The following PCDHA5 variants were observed in gnomAD, a reference collection of about 807,000 sequenced individuals.
PCDHA5 encodes protocadherin alpha 5, also known as protocadherin alpha-5.
A neutral mutation model predicts 61.6 loss-of-function variants in PCDHA5; 43 were observed. The ratio of observed to expected loss-of-function variants is 0.70; its 90% CI spans 0.55 to 0.90. The LOEUF (loss-of-function observed/expected upper bound fraction) is 0.90. PCDHA5 is among the 40% of genes least tolerant of loss of function. PCDHA5 has a pLI of 0.00. For synonymous variants in PCDHA5, 627 were observed against 543.9 expected (o/e 1.15, Z -2.13); for missense variants, 1,298 against 1,222.7 (o/e 1.06, Z -0.92).
intron 1 of PCDHA5, chr5:140,875,865 G>A (rs782211791): frequency 6.2e-7 from 1 of 1,614,160 alleles, no homozygotes; most frequent in Non-Finnish European, 8.5e-7. Context: ...ACAACCCGCC[G>A]GTGTTCAGAG....
chr5:140,994,303 C>T (rs13163241), intron 3 of PCDHA5, among the ~76,000 whole-genome samples: 9,825 of 152,220 alleles, frequency 0.065, 357 homozygotes, highest in East Asian at 0.12. Flanking sequence ...ATTGTTTTCA[C>T]AGGGCCCAAA....
chr5:140,833,056 T>C (rs2150205806), intron 1 of PCDHA5, among the ~76,000 whole-genome samples: 1 of 152,172 alleles, frequency 6.6e-6, no homozygotes, highest in East Asian at 1.9e-4. Flanking sequence ...AAAAGTAATA[T>C]GAGAAAAACC....
At chr5:140,835,461 C>A in intron 1 of PCDHA5, 1 of 1,613,936 alleles carries the variant, frequency 6.2e-7, no homozygotes, top group Non-Finnish European at 8.5e-7. Flanking sequence ...TCTCCCTATT[C>A]CAGAGGACGC....
At chr5:140,903,695 A>G (rs1325722558) in intron 1 of PCDHA5, among the ~76,000 whole-genome samples, 9 of 152,238 alleles carry the variant, frequency 5.9e-5, no homozygotes, top group African/African-American at 1.7e-4. Flanking sequence ...AATAGTTTAA[A>G]ATAGTAATAA....
At chr5:140,870,339 G>C in intron 1 of PCDHA5, 1 of 1,614,182 alleles carries the variant, frequency 6.2e-7, no homozygotes, top group Non-Finnish European at 8.5e-7. Flanking sequence ...ACAGCGCCCT[G>C]GACCGCGAGA....
At chr5:140,993,894 A>G (rs1267639459) in intron 3 of PCDHA5, among the ~76,000 whole-genome samples, 2 of 152,204 alleles carry the variant, frequency 1.3e-5, no homozygotes, top group African/African-American at 4.8e-5. Flanking sequence ...TGATGTCCAT[A>G]CAACAAAAAT....
Position 140,828,379 on chromosome 5 carries a change from C to T in PCDHA5, c.2352+4252C>T, listed in dbSNP as rs2150154694. The T allele has an allele frequency of 1.9e-6, 3 of 1,614,236 alleles. No individual in the cohort carries two copies. In the South Asian group the frequency reaches 3.3e-5, roughly 18 times the overall value. On this transcript the variant is annotated intron_variant, in intron 1 of 3. Transcript: ENST00000529859. ...CTCGGATCGACCGCGAGGAGCTGTG[C>T]GGGCGGAGCGCGGAGTGCAGCATCC...
intron 1 of PCDHA5, among the ~76,000 whole-genome samples, chr5:140,972,660 ATT>A (rs11350929): frequency 0.036 from 4,256 of 117,216 alleles, 192 homozygotes; most frequent in African/African-American, 0.13. Context: ...AAGAAACCAA[ATT>A]TTTTTTTTTT....
rs1478449575 is a variant in PCDHA5 at position 141,010,392 on chromosome 5, G to A, written c.*455G>A. The stretch of plus-strand genomic sequence containing the variant: ...GCGAGTGCCAGATATTGGCTGAGAC[G>A]AGCCAGCTTAGACTAATTGGTACAA... On this transcript the variant is annotated 3_prime_UTR_variant, in exon 4 of 4. Transcript: ENST00000529859. The A allele has an allele frequency of 8.0e-6, 11 of 1,381,722 alleles. No individual in the cohort carries two copies. The highest frequency in any genetic ancestry group is 7.3e-5 in the African/African-American group (5 of 68,772). The allele number at this position is 1,381,722 out of a possible 1,614,324, so 85.6% of individuals were successfully genotyped here. A position where few individuals can be genotyped will look rare whatever the true frequency, so the allele number is the denominator to read the frequency against.
At chr5:140,867,981 A>G (rs1451119630) in intron 1 of PCDHA5, 5 of 152,162 alleles carry the variant, frequency 3.3e-5, no homozygotes, top group African/African-American at 4.8e-5. Context: ...CAAGAAACAA[A>G]CTATTTTCAT....
chr5:140,939,787 C>G (rs1486449192), intron 1 of PCDHA5, among the ~76,000 whole-genome samples: 2 of 152,180 alleles, frequency 1.3e-5, no homozygotes, highest in African/African-American at 2.4e-5. Flanking sequence ...TGGTCAATTT[C>G]TATAAATGTT....
Position 140,846,415 on chromosome 5 carries a change from C to A in PCDHA5, c.2352+22288C>A, listed in dbSNP as rs1440795292. ...TTTGAGACGGAGTCTCGCTCTATCT[C>A]CCAGGCTGGAATGCAGTGGCGCAAT... On this transcript the variant is annotated intron_variant, in intron 1 of 3. Coordinates refer to ENST00000529859, the MANE Select transcript of PCDHA5 (RefSeq NM_018908.3). Among the ~76,000 whole-genome samples the A allele has an allele frequency of 3.7e-5, 5 of 135,678 alleles. 2 individuals carry two copies. Among genetic ancestry groups the A allele is most frequent in the Non-Finnish European group, 7.9e-5 (5 of 62,902 alleles). The allele number at this position is 135,678 out of a possible 152,430, so 89.0% of individuals were successfully genotyped here.
At chr5:140,870,641 G>C in intron 1 of PCDHA5, 1 of 1,612,818 alleles carries the variant, frequency 6.2e-7, no homozygotes, top group South Asian at 1.1e-5. Context: ...CACGCGGAGA[G>C]CGGCAAGGTG....
At chr5:140,917,224 G>T (rs142866496) in intron 1 of PCDHA5, among the ~76,000 whole-genome samples, 1 of 150,920 alleles carries the variant, frequency 6.6e-6, no homozygotes, top group African/African-American at 2.4e-5. Flanking sequence ...TTAGTGATAC[G>T]TTGTTAAATC....
At chr5:140,838,077 AGTGTGTGTGTG>A (rs1775481751) in intron 1 of PCDHA5, among the ~76,000 whole-genome samples, 1 of 80,664 alleles carries the variant, frequency 1.2e-5, no homozygotes, top group East Asian at 3.3e-4. Context: ...ATATATATAT[AGTGTGTGTGTG>A]TGTGTGTGTG....
At chr5:140,903,500 G>C (rs553764100) in intron 1 of PCDHA5, among the ~76,000 whole-genome samples, 5 of 152,184 alleles carry the variant, frequency 3.3e-5, no homozygotes, top group Non-Finnish European at 7.3e-5. Flanking sequence ...AGGTACCATA[G>C]ATAATAGTTC....
chr5:140,836,429 A>G, intron 1 of PCDHA5: 1 of 1,613,806 alleles, frequency 6.2e-7, no homozygotes, highest in Non-Finnish European at 8.5e-7. Flanking sequence ...CGTCGCGGGC[A>G]TCGTTGGGCA....
At chr5:140,829,217 G>C (rs2150164060) in intron 1 of PCDHA5, 54 of 1,614,086 alleles carry the variant, frequency 3.3e-5, no homozygotes, top group Non-Finnish European at 4.3e-5. Flanking sequence ...TAGCGTGAAC[G>C]ACCTCGATTC....
At chr5:140,970,121 G>C (rs1230320134) in intron 1 of PCDHA5, among the ~76,000 whole-genome samples, 1 of 152,184 alleles carries the variant, frequency 6.6e-6, no homozygotes, top group Non-Finnish European at 1.5e-5. Flanking sequence ...GCTGGGATTA[G>C]AAGGAAGAGA....
Sources: gnomAD v4.1 joint callset for allele counts (sites outside exome capture counted in the v4.1 genomes callset) on GRCh38, gnomAD v4.1.1 for gene constraint, MANE v1.5 for transcripts, NCBI Gene and HGNC (gene_info 2026-07-23, HGNC 2026-07-21) for gene names.